Variants in ULK1 observed in about 807,000 individuals in gnomAD.
ULK1 encodes serine/threonine-protein kinase ULK1.
Under a neutral mutation model 117.5 loss-of-function variants are expected in ULK1, and 48 were observed. The ratio of observed to expected loss-of-function variants is 0.41; its 90% confidence interval spans 0.32 to 0.52. The LOEUF (loss-of-function observed/expected upper bound fraction) is 0.52. Ranked by LOEUF, ULK1 falls within the 20% of genes least tolerant of loss-of-function variation. ULK1 has a pLI of 0.29. For missense variants in ULK1, 1,387 were observed against 1,473.4 expected (o/e 0.94, Z 0.96); for synonymous variants, 790 against 637.8 (o/e 1.24, Z -3.60).
chr12:131,911,502 C>G (rs1199692201), intron 12 of ULK1, among the ~76,000 whole-genome samples: 1 of 152,226 alleles, frequency 6.6e-6, no homozygotes, highest in African/African-American at 2.4e-5. Flanking sequence ...GGATGGTGTG[C>G]CCTGGGCCTT....
intron 3 of ULK1, chr12:131,897,752 AG>A: frequency 6.7e-6 from 1 of 149,984 alleles, no homozygotes; most frequent in Non-Finnish European, 1.5e-5. Context: ...AGAAAAAAAA[AG>A]AAAAAAAATT....
chr12:131,915,868 T>C (rs1889754575), intron 18 of ULK1, 23 bp from the exon 19 acceptor site: 1 of 1,605,970 alleles, frequency 6.2e-7, no homozygotes, highest in Non-Finnish European at 8.5e-7. Context: ...CGGAAGGTCG[T>C]GACGAGGCGT....
rs377181421 is a variant in ULK1, at chr12:131,919,144, G to A, written c.2512-68G>A. 379 of 1,515,348 alleles carry A rather than the reference G, an allele frequency of 2.5e-4. 3 individuals carry two copies. The East Asian group carries it at 6.2e-3, about 25-fold the overall frequency. 93.9% of individuals were successfully genotyped at this position (1,515,348 alleles called of 1,614,324 possible). A position where few individuals can be genotyped will look rare whatever the true frequency, so the allele number is the denominator to read the frequency against. On this transcript the variant is annotated intron_variant, in intron 23 of 27. Coordinates refer to ENST00000321867, the MANE Select transcript of ULK1 (RefSeq NM_003565.4). ...TGCCTCCCCAAGGCGTCATCGGTGA[G>A]TCTGAAGGGAGACAAGCCCCTTCCA... is the stretch of plus-strand genomic sequence containing the variant.
chr12:131,919,580 T>G lies in ULK1; in HGVS notation c.2793T>G (p.Thr931=), dbSNP rs750463205. 1 of 1,611,806 alleles carries G rather than the reference T, an allele frequency of 6.2e-7. No individual in the cohort carries two copies. Among genetic ancestry groups the G allele is most frequent in the South Asian group, 1.1e-5 (1 of 91,088 alleles). ...CCGGCAAGCTCTGCCTGTCGTCCACTGTGAAGCAGGGTGAGGGCTGCGACC... is the reference window on the plus strand; with the variant it reads ...CCGGCAAGCTCTGCCTGTCGTCCACGGTGAAGCAGGGTGAGGGCTGCGACC... The part of the protein sequence containing the change: ...IRAGKLCLSS[T]VKQVVRRLNE... The change falls in exon 25 of 28, where the codon ACT becomes ACG. Residue 931 remains threonine, a synonymous_variant. Coordinates refer to ENST00000321867, the MANE Select transcript of ULK1 (RefSeq NM_003565.4).
At chr12:131,908,545 G>C in intron 5 of ULK1, 99 bp from the exon 6 acceptor site, 1 of 1,365,370 alleles carries the variant, frequency 7.3e-7, no homozygotes, top group East Asian at 2.8e-5. Context: ...GCCCTGCCTG[G>C]CGCTCTCCAT....
chr12:131,907,615 C>A, intron 5 of ULK1, 84 bp downstream of exon 5: 1 of 1,513,844 alleles, frequency 6.6e-7, no homozygotes, highest in Non-Finnish European at 8.9e-7. Context: ...GTCTGGGAGG[C>A]AGCCTGGCTC....
At position 131,921,815 on chromosome 12, in the gene ULK1, C is replaced by A. The variant is rs772053910; in HGVS notation, c.*454C>A. The A allele has an allele frequency of 4.1e-6, 2 of 482,020 alleles. No individual in the cohort carries two copies. The allele number at this position is 482,020 out of a possible 1,614,324, so 29.9% of individuals were successfully genotyped here. ...GAGCCTCTCCCTCCGAGATACCCAC[C>A]CAGCTTTGTCAATCACCCAAGCACT... On this transcript the variant is annotated 3_prime_UTR_variant, in exon 28 of 28. Coordinates refer to ENST00000321867, the MANE Select transcript of ULK1 (RefSeq NM_003565.4).
rs911377648 is a variant in ULK1 at position 131,916,239 on chromosome 12, G to A, written c.1878+80G>A. The stretch of plus-strand genomic sequence containing the variant: ...GAATGGCCAGTCCTGAACAAAGACC[G>A]AGGAAGGCAGCTCTGTACCTTTTGA... On this transcript the variant is annotated intron_variant, in intron 19 of 27. Coordinates refer to ENST00000321867, the MANE Select transcript of ULK1 (RefSeq NM_003565.4). The A allele has an allele frequency of 1.7e-5, 26 of 1,553,636 alleles. No homozygotes were observed. The Admixed American group carries it at 1.8e-4, about 11-fold the overall frequency.
At chr12:131,905,205 C>T (rs1374230461) in intron 3 of ULK1, among the ~76,000 whole-genome samples, 1 of 152,204 alleles carries the variant, frequency 6.6e-6, no homozygotes, top group Non-Finnish European at 1.5e-5. Flanking sequence ...AAGGCACCCT[C>T]TCCTGAGCCT....
In ULK1 at chr12:131,921,920, A is replaced by G. The variant is rs780636514; in HGVS notation, c.*559A>G. 1.3e-5 allele frequency: 6 copies of G among 456,760 alleles called. No homozygotes were observed. The highest frequency in any genetic ancestry group is 9.3e-5 in the South Asian group (6 of 64,574). The allele number at this position is 456,760 out of a possible 1,614,324, so 28.3% of individuals were successfully genotyped here. ...CCTGGCAGTGGCCTGGTGTTTGTACATACACATATGCAGACACATGCCAGG... is the reference window on the plus strand; with the variant it reads ...CCTGGCAGTGGCCTGGTGTTTGTACGTACACATATGCAGACACATGCCAGG... On this transcript the variant is annotated 3_prime_UTR_variant, in exon 28 of 28. Transcript: ENST00000321867.
chr12:131,918,462 G>C (rs767626833), intron 22 of ULK1, 35 bp from the exon 23 acceptor site: 1 of 1,593,206 alleles, frequency 6.3e-7, no homozygotes, highest in Non-Finnish European at 8.5e-7. Context: ...GTGTCTGCTG[G>C]TCCTGGTGTG....
At chr12:131,910,447 T>A in intron 11 of ULK1, 143 bp downstream of exon 11, 1 of 1,377,966 alleles carries the variant, frequency 7.3e-7, no homozygotes, top group Non-Finnish European at 1.0e-6. Context: ...GACACCCGGC[T>A]CCTTGCTCTG....
chr12:131,917,413 C>G lies in ULK1; in HGVS notation c.2185C>G (p.Pro729Ala), dbSNP rs887434095. 2.0e-6 allele frequency: 3 copies of G among 1,518,032 alleles called. No individual in the cohort carries two copies. Among genetic ancestry groups the G allele is most frequent in the Non-Finnish European group, 1.8e-6 (2 of 1,135,110 alleles). 94.0% of individuals were successfully genotyped at this position (1,518,032 alleles called of 1,614,324 possible). ...TGAGCCCTTCCTTGCTCTCCCAGCA[C>G]CCTCAGCTGGCTTTGGAGGGAGCCT... The part of the protein sequence containing the change: ...SLQEKPMEIA[P>A]SAGFGGSLHP... Residue 729 changes from proline (P) to alanine (A), a missense_variant and splice_region_variant, in exon 22 of 28, where the codon CCC becomes GCC. Pro to Ala is a conservative substitution (Grantham distance 27). This residue lies in a region of ULK1 where 900 missense variants were observed against 858.9 expected (regional missense o/e 1.05). Transcript: ENST00000321867.
intron 26 of ULK1, chr12:131,920,892 GC>G: frequency 1.5e-6 from 1 of 684,020 alleles, no homozygotes; most frequent in Non-Finnish European, 2.4e-6. Flanking sequence ...GAGAGCGCTG[GC>G]CAGGGTCATC....
At chr12:131,919,052 G>A (rs1206395530) in intron 23 of ULK1, among the ~76,000 whole-genome samples, 160 bp from the exon 24 acceptor site, 2 of 150,250 alleles carry the variant, frequency 1.3e-5, no homozygotes, top group African/African-American at 4.9e-5. Context: ...GGGGTGCAGG[G>A]TGTGTGGGGT....
At chr12:131,900,840 G>A (rs1889056718) in intron 3 of ULK1, among the ~76,000 whole-genome samples, 1 of 152,282 alleles carries the variant, frequency 6.6e-6, no homozygotes, top group East Asian at 1.9e-4. Context: ...GCATGAGACT[G>A]TAACTCCCCA....
intron 23 of ULK1, 60 bp from the exon 24 acceptor site, chr12:131,919,152 G>A: frequency 2.0e-6 from 3 of 1,528,482 alleles, no homozygotes; most frequent in Non-Finnish European, 2.6e-6. Context: ...GAGTCTGAAG[G>A]GAGACAAGCC....
intron 5 of ULK1, 31 bp downstream of exon 5, chr12:131,907,562 C>A: frequency 5.6e-6 from 9 of 1,601,526 alleles, no homozygotes; most frequent in Non-Finnish European, 7.7e-6. Flanking sequence ...CCTGGGCTGC[C>A]AGCCGGTCCC....
rs751480308 is a variant in ULK1 at position 131,919,233 on chromosome 12, C to T, written c.2533C>T (p.Arg845Cys). The T allele has an allele frequency of 5.9e-5, 94 of 1,596,468 alleles. No homozygotes were observed. Among genetic ancestry groups the T allele is most frequent in the Non-Finnish European group, 7.4e-5 (87 of 1,177,410 alleles). Residue 845 changes from arginine (R) to cysteine (C), a missense_variant, in exon 24 of 28, where the codon CGT becomes TGT. Physicochemically the swap from Arg to Cys is radical, Grantham distance 180. This residue lies in a region of ULK1 where 900 missense variants were observed against 858.9 expected (regional missense o/e 1.05). Coordinates refer to ENST00000321867, the MANE Select transcript of ULK1 (RefSeq NM_003565.4). The part of the protein sequence containing the change: ...LMEQEHTEIL[R>C]GLRFTLLFVQ... ...GCAGCAAGAGCACACGGAGATCCTG[C>T]GTGGCCTGCGCTTCACGCTGCTGTT...
Sources: allele counts gnomAD v4.1 joint callset (sites outside exome capture counted in the v4.1 genomes callset), GRCh38; gene constraint gnomAD v4.1.1; regional missense constraint gnomAD v4.1.1; transcripts MANE v1.5; gene names NCBI Gene and HGNC (gene_info 2026-07-23, HGNC 2026-07-21).